Variants in ACOT9 observed in about 807,000 individuals in gnomAD.
ACOT9 encodes the protein acyl-coenzyme A thioesterase 9, mitochondrial.
In ACOT9, 34 loss-of-function variants were observed where a neutral mutation model predicts 39.7. The ratio of observed to expected loss-of-function variants is 0.86; its 90% confidence interval spans 0.65 to 1.14. The LOEUF is 1.14. Among genes scored for constraint, ACOT9 ranks in the 50% most tolerant of loss-of-function variants. The probability of loss-of-function intolerance (pLI) is 0.00; values close to 1 mark genes in which losing one functional copy is unlikely to be tolerated. For synonymous variants in ACOT9, 110 were observed against 120.5 expected, an observed-to-expected ratio of 0.91 and a Z score of 0.57; for missense variants, 313 against 344.1, an observed-to-expected ratio of 0.91 and a Z score of 0.71.
rs1169501782 is a variant in ACOT9, at chrX:23,733,287, C to T, written c.146-70G>A. ...GAGAAACGGATTATGGCAATGAGCT[C>T]AAGAACTACAAAAAGCAATTCATGC... On this transcript the variant is annotated intron_variant, in intron 3 of 15. Transcript: ENST00000379303. The T allele has an allele frequency of 7.3e-6, 7 of 954,823 alleles. No homozygotes were observed. In the South Asian group the frequency reaches 1.5e-4, roughly 20 times the overall value. 78.7% of individuals were successfully genotyped at this position (954,823 alleles called of 1,213,427 possible). A position where few individuals can be genotyped will look rare whatever the true frequency, so the allele number is the denominator to read the frequency against.
chrX:23,711,820 G>A (rs1242929185), intron 9 of ACOT9, among the ~76,000 whole-genome samples: 4 of 110,933 alleles, frequency 3.6e-5, no homozygotes, highest in Non-Finnish European at 5.7e-5. Context: ...CTCCTGATAC[G>A]ATGCAATATG....
chrX:23,708,011 C>T, intron 9 of ACOT9, 67 bp from the exon 10 acceptor site: 1 of 933,734 alleles, frequency 1.1e-6, no homozygotes, highest in East Asian at 3.3e-5. Context: ...TGAAGATGAA[C>T]AATCACCTAC....
At chrX:23,716,333 T>C (rs1021733236) in intron 8 of ACOT9, among the ~76,000 whole-genome samples, 3 of 112,287 alleles carry the variant, frequency 2.7e-5, no homozygotes, top group African/African-American at 6.5e-5. Context: ...CCAGACTATT[T>C]TGGATTTTCG....
intron 11 of ACOT9, 119 bp from the exon 12 acceptor site, chrX:23,705,977 G>C: frequency 1.6e-6 from 1 of 635,247 alleles, no homozygotes; most frequent in African/African-American, 2.2e-5. Context: ...AGAAGGCCAA[G>C]GTTTAGGCCA....
intron 1 of ACOT9, among the ~76,000 whole-genome samples, chrX:23,740,115 C>CT (rs746109793): frequency 0.07 from 6,954 of 99,979 alleles, 391 homozygotes; most frequent in East Asian, 0.25. Flanking sequence ...GTAATGGTAA[C>CT]TTTTTTTTTT....
At position 23,740,741 on chromosome X, in the gene ACOT9, CA is replaced by C. The variant is rs1388145083; in HGVS notation, c.20+2383del. Among the ~76,000 whole-genome samples, 145 of 103,147 alleles carry C rather than the reference CA, an allele frequency of 1.4e-3. 1 individual carries two copies. Among genetic ancestry groups the C allele is most frequent in the Middle Eastern group, 5.0e-3 (1 of 201 alleles). The allele number at this position is 103,147 out of a possible 115,157, so 89.6% of individuals were successfully genotyped here. A position where few individuals can be genotyped will look rare whatever the true frequency, so the allele number is the denominator to read the frequency against. On this transcript the variant is annotated intron_variant, in intron 1 of 15. Coordinates refer to ENST00000379303, the MANE Select transcript of ACOT9 (RefSeq NM_001037171.2). ...ATACACACACACACACACACACACA[CA>C]CACACACACACACACACACACCGCA...
intron 8 of ACOT9, among the ~76,000 whole-genome samples, chrX:23,714,510 C>T (rs896547911): frequency 2.7e-5 from 3 of 111,722 alleles, no homozygotes; most frequent in Admixed American, 9.6e-5. Flanking sequence ...TAGGAATGCT[C>T]AACCAGTAAA....
intron 1 of ACOT9, among the ~76,000 whole-genome samples, chrX:23,740,759 CACA>C (rs1930116074): frequency 5.1e-5 from 4 of 78,415 alleles, no homozygotes; most frequent in South Asian, 1.1e-3. Context: ...CACACACACA[CACA>C]CCGCACTGAG....
intron 3 of ACOT9, 121 bp downstream of exon 3, chrX:23,734,220 A>T: frequency 1.8e-6 from 1 of 563,210 alleles, no homozygotes; most frequent in Non-Finnish European, 2.9e-6. Flanking sequence ...AAAGACTTAC[A>T]TCAAGCTAAG....
At chrX:23,718,905 CAAAAAAAAAAAA>C (rs35558833) in intron 8 of ACOT9, among the ~76,000 whole-genome samples, 2 of 37,860 alleles carry the variant, frequency 5.3e-5, no homozygotes, top group African/African-American at 1.1e-4. Context: ...GACTCCGTCT[CAAAAAAAAAAAA>C]AAAAAAAAAA....
chrX:23,711,992 G>C (rs1928911347), intron 9 of ACOT9, among the ~76,000 whole-genome samples: 1 of 111,656 alleles, frequency 9.0e-6, no homozygotes, highest in African/African-American at 3.3e-5. Flanking sequence ...GAAAGCAATA[G>C]AACAAATCCA....
At chrX:23,742,984 T>C in intron 1 of ACOT9, 141 bp downstream of exon 1, 1 of 753,596 alleles carries the variant, frequency 1.3e-6, no homozygotes, top group Non-Finnish European at 1.8e-6. Flanking sequence ...GGAGGTACAG[T>C]GGGCGAGCGC....
chrX:23,713,561 G>GA (rs374772003), intron 8 of ACOT9, among the ~76,000 whole-genome samples: 137 of 75,758 alleles, frequency 1.8e-3, no homozygotes, highest in East Asian at 8.0e-3. Context: ...AAAAAAAAAA[G>GA]AAAAAAAAAA....
chrX:23,737,167 G>T (rs1472432199), intron 1 of ACOT9, among the ~76,000 whole-genome samples: 3 of 110,779 alleles, frequency 2.7e-5, no homozygotes, highest in Non-Finnish European at 5.7e-5. Context: ...CCAAAAATTA[G>T]CCGGGTGTGG....
intron 11 of ACOT9, 145 bp downstream of exon 11, chrX:23,706,483 G>A (rs891818044): frequency 8.8e-5 from 38 of 434,264 alleles, no homozygotes; most frequent in Middle Eastern, 6.6e-4. Flanking sequence ...ACTTGAACCC[G>A]GGAGGCAGAG....
intron 6 of ACOT9, among the ~76,000 whole-genome samples, chrX:23,723,818 T>C (rs1399076743): frequency 9.0e-6 from 1 of 111,130 alleles, no homozygotes; most frequent in Non-Finnish European, 1.9e-5. Context: ...TTAAAAGTCT[T>C]TGTCCAGCAA....
intron 1 of ACOT9, among the ~76,000 whole-genome samples, chrX:23,742,213 TGA>T (rs1190609377): frequency 5.2e-4 from 36 of 68,703 alleles, no homozygotes; most frequent in South Asian, 8.2e-4. Context: ...AGTGAGTGAG[TGA>T]GAGAGAGAGA....
intron 8 of ACOT9, among the ~76,000 whole-genome samples, chrX:23,717,885 C>T (rs1179902336): frequency 1.8e-5 from 2 of 111,105 alleles, no homozygotes; most frequent in Non-Finnish European, 3.8e-5. Flanking sequence ...GTCAGGAGTT[C>T]GAGACCAGCC....
At chrX:23,728,067 G>C (rs1310914113) in intron 6 of ACOT9, among the ~76,000 whole-genome samples, 2 of 110,368 alleles carry the variant, frequency 1.8e-5, no homozygotes, top group Non-Finnish European at 1.9e-5. Flanking sequence ...GCTGAGGCAG[G>C]AAGATCCTTT....
Sources: allele counts gnomAD v4.1 joint callset (sites outside exome capture counted in the v4.1 genomes callset), GRCh38; gene constraint gnomAD v4.1.1; transcripts MANE v1.5; gene names NCBI Gene and HGNC (gene_info 2026-07-23, HGNC 2026-07-21).